Variants in SRGAP2 observed in about 807,000 individuals in gnomAD.
SRGAP2 encodes SLIT-ROBO Rho GTPase-activating protein 2.
SRGAP2 carries 15 observed loss-of-function variants against 57.2 expected under a neutral mutation model. The ratio of observed to expected loss-of-function variants is 0.26; its 90% CI spans 0.18 to 0.40. SRGAP2 has a LOEUF of 0.40. SRGAP2 is among the 10% of genes least tolerant of loss of function. SRGAP2 has a pLI of 1.00. For synonymous variants in SRGAP2, 249 were observed against 248.0 expected, an observed-to-expected ratio of 1.00 and a Z score of -0.04; for missense variants, 520 against 669.6, an observed-to-expected ratio of 0.78 and a Z score of 2.47.
intron 4 of SRGAP2, among the ~76,000 whole-genome samples, chr1:206,357,362 G>A (rs1676516545): frequency 6.6e-6 from 1 of 150,730 alleles, no homozygotes; most frequent in African/African-American, 2.4e-5. Context: ...ACATTTTGAT[G>A]TATTTCCTTC....
intron 14 of SRGAP2, 41 bp from the exon 15 acceptor site, chr1:206,436,924 T>C (rs782270325): frequency 3.8e-6 from 3 of 780,388 alleles, no homozygotes; most frequent in Non-Finnish European, 7.2e-6. Flanking sequence ...CTTGTGAATT[T>C]GCTTTTTCTT....
At chr1:206,383,587 C>T (rs1348898447) in intron 4 of SRGAP2, among the ~76,000 whole-genome samples, 1 of 151,860 alleles carries the variant, frequency 6.6e-6, no homozygotes, top group Non-Finnish European at 1.5e-5. Flanking sequence ...CTTTGAAGTC[C>T]CTAAATGTTT....
chr1:206,209,636 A>T (rs1465312343), intron 2 of SRGAP2, among the ~76,000 whole-genome samples: 2 of 151,582 alleles, frequency 1.3e-5, no homozygotes, highest in Admixed American at 1.3e-4. Flanking sequence ...TAATATTCTT[A>T]GTCTTTTTAC....
At chr1:206,453,115 G>A in intron 19 of SRGAP2, 85 bp from the exon 20 acceptor site, 1 of 460,064 alleles carries the variant, frequency 2.2e-6, no homozygotes, top group East Asian at 3.5e-5. Flanking sequence ...ACCACTGTAA[G>A]TTCAGCTAAT....
At chr1:206,258,394 T>C (rs573103000) in intron 2 of SRGAP2, among the ~76,000 whole-genome samples, 1 of 151,930 alleles carries the variant, frequency 6.6e-6, no homozygotes, top group Non-Finnish European at 1.5e-5. Context: ...AATGATCTAA[T>C]TTAAGTTTTG....
At chr1:206,418,586 A>G (rs961453817) in intron 11 of SRGAP2, among the ~76,000 whole-genome samples, 1 of 152,224 alleles carries the variant, frequency 6.6e-6, no homozygotes, top group Non-Finnish European at 1.5e-5. Context: ...TATATATTAC[A>G]TCATTTCCCA....
intron 2 of SRGAP2, among the ~76,000 whole-genome samples, chr1:206,240,062 G>A (rs1247871249): frequency 1.3e-5 from 2 of 151,874 alleles, no homozygotes; most frequent in South Asian, 4.2e-4. Context: ...TCAGGAGTTC[G>A]AGACCAGCCT....
At position 206,454,384 on chromosome 1, in the gene SRGAP2, C is replaced by T. The variant is rs1434251945; in HGVS notation, c.2361-494C>T. The T allele has an allele frequency of 1.2e-5, 7 of 590,924 alleles. No homozygotes were observed. Among genetic ancestry groups the T allele is most frequent in the African/African-American group, 5.6e-5 (3 of 53,644 alleles). 36.6% of individuals were successfully genotyped at this position (590,924 alleles called of 1,614,324 possible). ...GGAGAGCAGTGGAGAGACCTGGGAC[C>T]GGCTTGGATGCTCTGAGCGGGGCTA... On this transcript the variant is annotated intron_variant, in intron 20 of 22. Coordinates refer to ENST00000573034, the MANE Select transcript of SRGAP2 (RefSeq NM_015326.5). This position sits in a 1 kb window ranked among gnomAD's most constrained non-coding sequence, Gnocchi z 4.3.
chr1:206,421,455 G>A (rs1046692006), intron 13 of SRGAP2, among the ~76,000 whole-genome samples, 181 bp downstream of exon 13: 16 of 152,204 alleles, frequency 1.1e-4, no homozygotes, highest in African/African-American at 3.9e-4. Flanking sequence ...ACTAGTTGGA[G>A]TGGCCATAGT....
chr1:206,303,916 A>ACT (rs1672032272), intron 3 of SRGAP2, among the ~76,000 whole-genome samples: 3 of 145,138 alleles, frequency 2.1e-5, no homozygotes, highest in African/African-American at 5.6e-5. Flanking sequence ...ACACACACAC[A>ACT]CACTCACACT....
At chr1:206,437,667 T>C in intron 15 of SRGAP2, 1 of 300,790 alleles carries the variant, frequency 3.3e-6, no homozygotes, top group Non-Finnish European at 6.2e-6. Context: ...ATGATTCTTG[T>C]GAGATACAGT....
At chr1:206,353,958 C>G (rs1485999194) in intron 4 of SRGAP2, among the ~76,000 whole-genome samples, 3 of 151,514 alleles carry the variant, frequency 2.0e-5, no homozygotes, top group African/African-American at 4.9e-5. Context: ...TACCATCATG[C>G]TTGGCTAATT....
At chr1:206,214,251 T>G (rs1169209418) in intron 2 of SRGAP2, among the ~76,000 whole-genome samples, 1 of 152,246 alleles carries the variant, frequency 6.6e-6, no homozygotes, top group Non-Finnish European at 1.5e-5. Flanking sequence ...ACACATAGAC[T>G]ACTAGCTAAC....
chr1:206,387,150 G>T (rs1178572583), intron 5 of SRGAP2, among the ~76,000 whole-genome samples: 1 of 130,116 alleles, frequency 7.7e-6, no homozygotes, highest in Non-Finnish European at 1.6e-5. Flanking sequence ...AAAAAAAATA[G>T]CAGTTCAGAG....
intron 2 of SRGAP2, among the ~76,000 whole-genome samples, chr1:206,269,747 C>CAT (rs1670090758): frequency 2.2e-5 from 3 of 135,124 alleles, no homozygotes; most frequent in African/African-American, 8.3e-5. Context: ...TACACAAAGG[C>CAT]ATTTGGCATA....
intron 14 of SRGAP2, among the ~76,000 whole-genome samples, chr1:206,430,835 T>C (rs976916540): frequency 6.6e-6 from 1 of 152,220 alleles, no homozygotes; most frequent in African/African-American, 2.4e-5. Context: ...ACACCATTCC[T>C]CACCAGCTAC....
chr1:206,332,788 T>C (rs1457061718), intron 3 of SRGAP2, among the ~76,000 whole-genome samples: 1 of 152,076 alleles, frequency 6.6e-6, no homozygotes, highest in Non-Finnish European at 1.5e-5. Flanking sequence ...TTTGATCGTC[T>C]GAAGCCTTCT....
At chr1:206,289,374 G>A (rs1227720599) in intron 2 of SRGAP2, among the ~76,000 whole-genome samples, 17 of 147,350 alleles carry the variant, frequency 1.2e-4, no homozygotes, top group Non-Finnish European at 2.4e-4. Context: ...CCAGGTTCAC[G>A]CCATTCTCCT....
intron 20 of SRGAP2, 190 bp downstream of exon 20, chr1:206,453,570 A>AT (rs1553377067): frequency 6.2e-5 from 21 of 336,258 alleles, no homozygotes; most frequent in Non-Finnish European, 5.2e-6. Context: ...TCAGTGGAGA[A>AT]TTTTTTTAAA....
Sources: allele counts gnomAD v4.1 joint callset (sites outside exome capture counted in the v4.1 genomes callset), GRCh38; gene constraint gnomAD v4.1.1; non-coding constraint Gnocchi (gnomAD v3.1); transcripts MANE v1.5; gene names NCBI Gene and HGNC (gene_info 2026-07-23, HGNC 2026-07-21).